Variants in TRIM13 observed in about 807,000 individuals in gnomAD.
The protein encoded by TRIM13 is E3 ubiquitin-protein ligase TRIM13.
In TRIM13, 15 loss-of-function variants were observed where a neutral mutation model predicts 27.1. The ratio of observed to expected loss-of-function variants is 0.55; its 90% CI spans 0.37 to 0.85. TRIM13 has a LOEUF of 0.85. Among genes scored for constraint, TRIM13 ranks in the 40% least tolerant of loss-of-function variants. TRIM13 has a pLI of 0.00. For missense variants in TRIM13, 402 were observed against 472.2 expected (o/e 0.85, Z 1.38); for synonymous variants, 193 against 171.5 (o/e 1.13, Z -0.98).
In TRIM13 at chr13:50,016,247, T is replaced by C. The variant is rs1485275756; in HGVS notation, c.*3083T>C. On this transcript the variant is annotated 3_prime_UTR_variant, in exon 2 of 2. Transcript: ENST00000378182. Reference sequence around the variant, plus strand: ...ATAATTATTTTCCAAACTGGGATACTTTTTAGAGTGAAAGGGGCTATTATT... The same window carrying C: ...ATAATTATTTTCCAAACTGGGATACCTTTTAGAGTGAAAGGGGCTATTATT... 1.2e-5 allele frequency: 7 copies of C among 584,670 alleles called. No individual in the cohort carries two copies. The highest frequency in any genetic ancestry group is 7.3e-5 in the South Asian group (3 of 40,916). 36.2% of individuals were successfully genotyped at this position (584,670 alleles called of 1,614,324 possible).
rs1179070287 is a variant in TRIM13 at position 50,015,120 on chromosome 13, T to C, written c.*1956T>C. On this transcript the variant is annotated 3_prime_UTR_variant, in exon 2 of 2. Coordinates refer to ENST00000378182, the MANE Select transcript of TRIM13 (RefSeq NM_213590.3). ...ATATATATATATATATATATATATATATATATATATATATATATATATATA... is the reference window on the plus strand; with the variant it reads ...ATATATATATATATATATATATATACATATATATATATATATATATATATA... 2 of 37,942 alleles carry C rather than the reference T, an allele frequency of 5.3e-5. No individual in the cohort carries two copies. Among genetic ancestry groups the C allele is most frequent in the East Asian group, 1.2e-3 (2 of 1,736 alleles). The allele number at this position is 37,942 out of a possible 1,614,324, so 2.4% of individuals were successfully genotyped here. A position where few individuals can be genotyped will look rare whatever the true frequency, so the allele number is the denominator to read the frequency against.
chr13:50,015,105 AT>A lies in TRIM13; in HGVS notation c.*1942del. On this transcript the variant is annotated 3_prime_UTR_variant, in exon 2 of 2. Transcript: ENST00000378182. ...AAAAAAAAAAAAAAAATATATATATATATATATATATATATATATATATATA... is the reference window on the plus strand; with the variant it reads ...AAAAAAAAAAAAAAAATATATATATAATATATATATATATATATATATATA... 1 of 7,630 alleles carries A rather than the reference AT, an allele frequency of 1.3e-4. No homozygotes were observed. The highest frequency in any genetic ancestry group is 4.1e-4 in the African/African-American group (1 of 2,418). 0.5% of individuals were successfully genotyped at this position (7,630 alleles called of 1,614,324 possible).
chr13:50,013,096 T>C lies in TRIM13; in HGVS notation c.1156T>C (p.Phe386Leu). ...TDGFFIFNERFKNFTLVVLNN... is the reference protein window; with the variant it reads ...TDGFFIFNERLKNFTLVVLNN... ...TGGGTTTTTCATTTTCAATGAAAGA[T>C]TCAAGAATTTTACTTTGGTGGTACT... is the stretch of plus-strand genomic sequence containing the variant. Residue 386 changes from phenylalanine to leucine, a missense_variant, in exon 2 of 2, where the codon TTC becomes CTC. Coordinates refer to ENST00000378182, the MANE Select transcript of TRIM13 (RefSeq NM_213590.3). 4 of 1,612,672 alleles carry C rather than the reference T, an allele frequency of 2.5e-6. No homozygotes were observed. The highest frequency in any genetic ancestry group is 3.4e-6 in the Non-Finnish European group (4 of 1,179,602).
At chr13:50,006,416 T>G (rs1206241245) in intron 1 of TRIM13, among the ~76,000 whole-genome samples, 2 of 152,186 alleles carry the variant, frequency 1.3e-5, no homozygotes, top group Non-Finnish European at 2.9e-5. Context: ...TTATTTAATA[T>G]GCTTGGATAG....
intron 1 of TRIM13, among the ~76,000 whole-genome samples, chr13:49,998,881 G>T (rs1330832068): frequency 1.3e-5 from 2 of 148,194 alleles, no homozygotes; most frequent in Non-Finnish European, 3.0e-5. Flanking sequence ...AGTGAGCCAA[G>T]ATCGCGCCAC....
Position 50,012,529 on chromosome 13 carries a change from A to G in TRIM13, c.589A>G (p.Lys197Glu). Residue 197 changes from lysine (K) to glutamate (E), a missense_variant, in exon 2 of 2, where the codon AAG (lysine) becomes GAG (glutamate). By Grantham distance (56) the Lys-to-Glu change is moderately conservative. Transcript: ENST00000378182. Reference protein sequence around the residue: ...EKLQHTLDQKKNEILSDFETM... With the variant: ...EKLQHTLDQKENEILSDFETM... ...GTTACAACACACACTGGATCAAAAG[A>G]AGAATGAAATTCTGTCTGACTTTGA... 1.2e-6 allele frequency: 2 copies of G among 1,614,108 alleles called. No individual in the cohort carries two copies.
intron 1 of TRIM13, among the ~76,000 whole-genome samples, chr13:50,008,635 C>T (rs572530715): frequency 6.6e-6 from 1 of 152,146 alleles, no homozygotes; most frequent in Non-Finnish European, 1.5e-5. Flanking sequence ...AAGACCCTGT[C>T]TCTCAAAATA....
intron 1 of TRIM13, among the ~76,000 whole-genome samples, chr13:50,003,401 T>C (rs1212695709): frequency 6.6e-6 from 1 of 152,230 alleles, no homozygotes; most frequent in Non-Finnish European, 1.5e-5. Flanking sequence ...AACAACTTTA[T>C]ATTGCTAACA....
At chr13:50,008,256 T>C (rs1158993996) in intron 1 of TRIM13, among the ~76,000 whole-genome samples, 1 of 152,182 alleles carries the variant, frequency 6.6e-6, no homozygotes, top group Non-Finnish European at 1.5e-5. Flanking sequence ...CATATGTTAT[T>C]GTTGATAATG....
chr13:50,015,590 C>A lies in TRIM13; in HGVS notation c.*2426C>A. On this transcript the variant is annotated 3_prime_UTR_variant, in exon 2 of 2. Transcript: ENST00000378182. ...GCAGTTTCCTGCTTCTCGTTTGGCACGCATGTTAGATGGCAGAGACCAAGA... is the reference window on the plus strand; with the variant it reads ...GCAGTTTCCTGCTTCTCGTTTGGCAAGCATGTTAGATGGCAGAGACCAAGA... 1 of 1,614,034 alleles carries A rather than the reference C, an allele frequency of 6.2e-7. No homozygotes were observed. The highest frequency in any genetic ancestry group is 1.1e-5 in the South Asian group (1 of 91,086).
In TRIM13 at chr13:50,015,609, A is replaced by G; in HGVS notation, c.*2445A>G. The G allele has an allele frequency of 6.2e-7, 1 of 1,614,144 alleles. No homozygotes were observed. The highest frequency in any genetic ancestry group is 8.5e-7 in the Non-Finnish European group (1 of 1,179,982). ...TTGGCACGCATGTTAGATGGCAGAGACCAAGAATTCAAGATGGTTGGTGGC... is the reference window on the plus strand; with the variant it reads ...TTGGCACGCATGTTAGATGGCAGAGGCCAAGAATTCAAGATGGTTGGTGGC... On this transcript the variant is annotated 3_prime_UTR_variant, in exon 2 of 2. Transcript: ENST00000378182.
At chr13:50,011,431 T>G (rs1875628366) in intron 1 of TRIM13, among the ~76,000 whole-genome samples, 2 of 152,220 alleles carry the variant, frequency 1.3e-5, no homozygotes, top group Non-Finnish European at 2.9e-5. Context: ...AATTGTAATC[T>G]TGCCTTTGAA....
At position 50,012,575 on chromosome 13, in the gene TRIM13, T is replaced by C. The variant is rs1875788569; in HGVS notation, c.635T>C (p.Met212Thr). 8 of 1,614,030 alleles carry C rather than the reference T, an allele frequency of 5.0e-6. No individual in the cohort carries two copies. Among genetic ancestry groups the C allele is most frequent in the Non-Finnish European group, 5.9e-6 (7 of 1,180,028 alleles). ...TTTGAGACCATGAAACTTGCTGTTA[T>C]GCAAGCATATGACCCAGAGATCAAC... ...SDFETMKLAV[M>T]QAYDPEINKL... Residue 212 changes from methionine (M) to threonine (T), a missense_variant, in exon 2 of 2, where the codon ATG becomes ACG. Transcript: ENST00000378182.
At chr13:50,000,255 C>CTG (rs1450297919) in intron 1 of TRIM13, among the ~76,000 whole-genome samples, 1 of 152,132 alleles carries the variant, frequency 6.6e-6, no homozygotes, top group Non-Finnish European at 1.5e-5. Flanking sequence ...GTGGACCACT[C>CTG]TAATACATCA....
chr13:50,017,734 G>A lies in TRIM13; in HGVS notation c.*4570G>A, dbSNP rs1876784524. 6.0e-6 allele frequency: 1 copy of A among 166,918 alleles called. No individual in the cohort carries two copies. The highest frequency in any genetic ancestry group is 6.6e-5 in the Admixed American group (1 of 15,250). The allele number at this position is 166,918 out of a possible 1,614,324, so 10.3% of individuals were successfully genotyped here. On this transcript the variant is annotated 3_prime_UTR_variant, in exon 2 of 2. Coordinates refer to ENST00000378182, the MANE Select transcript of TRIM13 (RefSeq NM_213590.3). Reference sequence around the variant, plus strand: ...CTCTGGTGATTGGGATGAAAACTCTGGCCTTAAAAGGTCCACTTTTAGTAT... The same window carrying A: ...CTCTGGTGATTGGGATGAAAACTCTAGCCTTAAAAGGTCCACTTTTAGTAT...
Position 50,016,117 on chromosome 13 carries a change from G to A in TRIM13, c.*2953G>A. 1 of 1,415,814 alleles carries A rather than the reference G, an allele frequency of 7.1e-7. No individual in the cohort carries two copies. Among genetic ancestry groups the A allele is most frequent in the Non-Finnish European group, 9.8e-7 (1 of 1,019,736 alleles). 87.7% of individuals were successfully genotyped at this position (1,415,814 alleles called of 1,614,324 possible). ...TTTCTCTTGTATACCAGTTTGTGAT[G>A]TTTTCTCTAAAAACTTGAAGTTCCT... On this transcript the variant is annotated 3_prime_UTR_variant, in exon 2 of 2. Transcript: ENST00000378182.
In TRIM13 at chr13:50,015,905, G is replaced by A. The variant is rs1876483834; in HGVS notation, c.*2741G>A. ...CAGCAAAACAATTGAGATGCTAACAGGGAGGATTACAGTGTTTACAGAACA... is the reference window on the plus strand; with the variant it reads ...CAGCAAAACAATTGAGATGCTAACAAGGAGGATTACAGTGTTTACAGAACA... On this transcript the variant is annotated 3_prime_UTR_variant, in exon 2 of 2. Transcript: ENST00000378182. 6.2e-7 allele frequency: 1 copy of A among 1,614,108 alleles called. No homozygotes were observed. The highest frequency in any genetic ancestry group is 8.5e-7 in the Non-Finnish European group (1 of 1,180,000).
At chr13:50,002,458 G>C (rs1291478709) in intron 1 of TRIM13, among the ~76,000 whole-genome samples, 1 of 152,072 alleles carries the variant, frequency 6.6e-6, no homozygotes, top group Non-Finnish European at 1.5e-5. Context: ...TTTAGCTAAT[G>C]TTTTCAAAGT....
Position 50,013,876 on chromosome 13 carries a change from G to C in TRIM13, c.*712G>C, listed in dbSNP as rs1159567904. The stretch of plus-strand genomic sequence containing the variant: ...AAAGCACCTTTTTGACAGTGAACAT[G>C]GTCTAAAAAAGGGAAGATATTGTAG... On this transcript the variant is annotated 3_prime_UTR_variant, in exon 2 of 2. Coordinates refer to ENST00000378182, the MANE Select transcript of TRIM13 (RefSeq NM_213590.3). 5 of 166,414 alleles carry C rather than the reference G, an allele frequency of 3.0e-5. No individual in the cohort carries two copies. The highest frequency in any genetic ancestry group is 2.9e-5 in the Non-Finnish European group (2 of 67,968). 10.3% of individuals were successfully genotyped at this position (166,414 alleles called of 1,614,324 possible).
Sources: gnomAD v4.1 joint callset for allele counts (sites outside exome capture counted in the v4.1 genomes callset) on GRCh38, gnomAD v4.1.1 for gene constraint, MANE v1.5 for transcripts, NCBI Gene and HGNC (gene_info 2026-07-23, HGNC 2026-07-21) for gene names.